The following CXXC4 variants were observed in gnomAD, a reference collection of about 807,000 sequenced individuals.
CXXC4 encodes the protein CXXC-type zinc finger protein 4.
In CXXC4, 5 loss-of-function variants were observed where a neutral mutation model predicts 20.5. The observed-to-expected ratio is 0.24, with a 90% confidence interval of 0.13 to 0.51. CXXC4 has a LOEUF of 0.51. Among genes scored for constraint, CXXC4 ranks in the 20% least tolerant of loss-of-function variants. The pLI is 0.97. For synonymous variants in CXXC4, 250 were observed against 216.4 expected (o/e 1.16, Z -1.36); for missense variants, 419 against 496.4 (o/e 0.84, Z 1.48).
At chr4:104,474,562 A>C (rs927713111) in intron 2 of CXXC4, among the ~76,000 whole-genome samples, 1 of 152,070 alleles carries the variant, frequency 6.6e-6, no homozygotes, top group Non-Finnish European at 1.5e-5. Context: ...ACACTTATAT[A>C]AATGTAGTCA....
intron 2 of CXXC4, among the ~76,000 whole-genome samples, chr4:104,472,921 C>T (rs897862953): frequency 7.2e-5 from 11 of 151,874 alleles, no homozygotes; most frequent in Non-Finnish European, 1.0e-4. Context: ...TGGTCTTAAA[C>T]ATGAGTGAGA....
chr4:104,476,803 A>G (rs1736419330), intron 2 of CXXC4, among the ~76,000 whole-genome samples: 1 of 152,144 alleles, frequency 6.6e-6, no homozygotes, highest in Non-Finnish European at 1.5e-5. Context: ...GGATACCATT[A>G]TTTCTATACT....
chr4:104,481,068 A>G (rs1736547293), intron 2 of CXXC4, among the ~76,000 whole-genome samples: 1 of 152,212 alleles, frequency 6.6e-6, no homozygotes, highest in Non-Finnish European at 1.5e-5. Flanking sequence ...CAAGGCAGAG[A>G]TCATATTAGT....
At chr4:104,478,474 A>G (rs1736473535) in intron 2 of CXXC4, among the ~76,000 whole-genome samples, 1 of 152,126 alleles carries the variant, frequency 6.6e-6, no homozygotes, top group African/African-American at 2.4e-5. Context: ...ACTGGTCCAG[A>G]AGTGACCAAA....
chr4:104,488,720 T>C (rs1736759531), intron 2 of CXXC4, among the ~76,000 whole-genome samples: 1 of 152,186 alleles, frequency 6.6e-6, no homozygotes, highest in South Asian at 2.1e-4. Flanking sequence ...GGAATTTAAA[T>C]ATCACAACAA....
chr4:104,488,893 G>A (rs974966590), intron 2 of CXXC4, among the ~76,000 whole-genome samples: 1 of 152,126 alleles, frequency 6.6e-6, no homozygotes. Context: ...GTAGTGCCAC[G>A]AGTCTAGCTA....
chr4:104,472,138 A>C lies in CXXC4; in HGVS notation c.*184T>G. ...AGACTGGCCAATTCTCCAAGCTCTCACATTATTTTTATGTCTTTTTCTTTT... is the reference window on the plus strand; with the variant it reads ...AGACTGGCCAATTCTCCAAGCTCTCCCATTATTTTTATGTCTTTTTCTTTT... On this transcript the variant is annotated 3_prime_UTR_variant, in exon 3 of 3. Coordinates refer to ENST00000394767, the MANE Select transcript of CXXC4 (RefSeq NM_025212.4). The C allele has an allele frequency of 2.4e-6, 1 of 412,154 alleles. No individual in the cohort carries two copies. The highest frequency in any genetic ancestry group is 4.4e-6 in the Non-Finnish European group (1 of 226,964). The allele number at this position is 412,154 out of a possible 1,614,324, so 25.5% of individuals were successfully genotyped here. A position where few individuals can be genotyped will look rare whatever the true frequency, so the allele number is the denominator to read the frequency against.
At position 104,478,178 on chromosome 4, in the gene CXXC4, G is replaced by C. The variant is rs116520979; in HGVS notation, c.1060-5812C>G. ...GATAATTGATTCTCCCTTGGCTGTTGCTCCTGTTGCTCTCTTTGCCTTGCA... is the reference window on the plus strand; with the variant it reads ...GATAATTGATTCTCCCTTGGCTGTTCCTCCTGTTGCTCTCTTTGCCTTGCA... On this transcript the variant is annotated intron_variant, in intron 2 of 2. Transcript: ENST00000394767. Among the ~76,000 whole-genome samples, 977 of 152,186 alleles carry C rather than the reference G, an allele frequency of 6.4e-3. 12 individuals are homozygous for C. Among genetic ancestry groups the C allele is most frequent in the African/African-American group, 0.022 (900 of 41,524 alleles).
chr4:104,479,284 G>GTTTA (rs1291099493), intron 2 of CXXC4, among the ~76,000 whole-genome samples: 1 of 152,052 alleles, frequency 6.6e-6, no homozygotes, highest in Non-Finnish European at 1.5e-5. Flanking sequence ...AAGAGGTGAT[G>GTTTA]TTTAACCTGA....
chr4:104,491,338 G>A lies in CXXC4; in HGVS notation c.465C>T (p.Ala155=), dbSNP rs761830455. 11 of 1,548,328 alleles carry A rather than the reference G, an allele frequency of 7.1e-6. No homozygotes were observed. Among genetic ancestry groups the A allele is most frequent in the African/African-American group, 2.9e-5 (2 of 70,068 alleles). ...CGCCGCCGCCGCCGCCGCCACCGCC[G>A]GCGGGGAGGATCGCCGAGGAGGAGG... ...SASSSSAILP[A]GGGGGGGGGG... Residue 155 remains alanine, a synonymous_variant, in exon 2 of 3, where the codon GCC becomes GCT. Transcript: ENST00000394767.
intron 2 of CXXC4, among the ~76,000 whole-genome samples, chr4:104,477,027 C>T (rs1487351782): frequency 5.3e-5 from 8 of 152,072 alleles, no homozygotes; most frequent in African/African-American, 1.4e-4. Flanking sequence ...TTAGACTCCT[C>T]GGCATCTAAG....
At chr4:104,488,992 T>G (rs928569012) in intron 2 of CXXC4, among the ~76,000 whole-genome samples, 1 of 152,226 alleles carries the variant, frequency 6.6e-6, no homozygotes, top group Admixed American at 6.5e-5. Flanking sequence ...CCTTATCAGC[T>G]GGGAATAGAG....
chr4:104,481,735 G>C (rs1420762169), intron 2 of CXXC4, among the ~76,000 whole-genome samples: 1 of 152,032 alleles, frequency 6.6e-6, no homozygotes, highest in African/African-American at 2.4e-5. Flanking sequence ...TGGAACTTAA[G>C]TCTTGGAAGA....
intron 2 of CXXC4, among the ~76,000 whole-genome samples, chr4:104,480,498 T>C (rs1736525043): frequency 6.6e-6 from 1 of 152,156 alleles, no homozygotes; most frequent in Admixed American, 6.5e-5. Flanking sequence ...TTTTCCCATC[T>C]TGGCCTTTCT....
rs1195637841 is a variant in CXXC4, at chr4:104,473,225, T to C, written c.1060-859A>G. 3.3e-5 allele frequency among the ~76,000 whole-genome samples: 5 copies of C among 151,978 alleles called. No individual in the cohort carries two copies. In the South Asian group the frequency reaches 8.3e-4, roughly 25 times the overall value. On this transcript the variant is annotated intron_variant, in intron 2 of 2. Transcript: ENST00000394767. ...TATAGTCTAGTGAGAACCATACTCA[T>C]AAAATATATCACTGTTTCAAAGTGA...
chr4:104,480,691 GACTA>G (rs1736530961), intron 2 of CXXC4, among the ~76,000 whole-genome samples: 2 of 151,694 alleles, frequency 1.3e-5, no homozygotes, highest in South Asian at 2.1e-4. Flanking sequence ...TAAATTCTGA[GACTA>G]ACTATTGCTT....
At chr4:104,476,337 C>A (rs140669819) in intron 2 of CXXC4, among the ~76,000 whole-genome samples, 2 of 152,218 alleles carry the variant, frequency 1.3e-5, no homozygotes, top group African/African-American at 4.8e-5. Context: ...AGCAGTCACA[C>A]GGAAAGTGGT....
chr4:104,491,400 T>A lies in CXXC4; in HGVS notation c.403A>T (p.Arg135Trp). The change falls in exon 2 of 3, where the codon AGG becomes TGG. Residue 135 changes from arginine to tryptophan, a missense_variant. By Grantham distance (101) the Arg-to-Trp change is moderately radical. Transcript: ENST00000394767. ...GGGGGGGGGG[R>W]KSSSAAASSS... ...GAGGCGGCGGCGGAGGAGGATTTCCTGCCGCCCCCACCACCCCCGCCCCCG... is the reference window on the plus strand; with the variant it reads ...GAGGCGGCGGCGGAGGAGGATTTCCAGCCGCCCCCACCACCCCCGCCCCCG... The A allele has an allele frequency of 8.4e-7, 1 of 1,186,934 alleles. No homozygotes were observed. The highest frequency in any genetic ancestry group is 1.1e-6 in the Non-Finnish European group (1 of 940,900). The allele number at this position is 1,186,934 out of a possible 1,614,324, so 73.5% of individuals were successfully genotyped here. A position where few individuals can be genotyped will look rare whatever the true frequency, so the allele number is the denominator to read the frequency against.
Position 104,472,626 on chromosome 4 carries a change from C to A in CXXC4, c.1060-260G>T, listed in dbSNP as rs28373336. ...AAAATATAGGAAATGCAGCCTGAAA[C>A]ACGTATAGGAAGCAGAATAAAGGTA... On this transcript the variant is annotated intron_variant, in intron 2 of 2. Coordinates refer to ENST00000394767, the MANE Select transcript of CXXC4 (RefSeq NM_025212.4). Among the ~76,000 whole-genome samples, 18,248 of 151,870 alleles carry A rather than the reference C, an allele frequency of 0.12. 3,086 individuals are homozygous for A. The highest frequency in any genetic ancestry group is 0.38 in the African/African-American group (15,697 of 41,408).
Sources: gnomAD v4.1 joint callset for allele counts (sites outside exome capture counted in the v4.1 genomes callset) on GRCh38, gnomAD v4.1.1 for gene constraint, MANE v1.5 for transcripts, NCBI Gene and HGNC (gene_info 2026-07-23, HGNC 2026-07-21) for gene names.